OR10K2: variants seen among roughly 807,000 people sequenced by gnomAD.
OR10K2 encodes olfactory receptor family 10 subfamily K member 2.
For missense variants in OR10K2, 401 were observed against 367.1 expected (o/e 1.09, Z -0.76); for synonymous variants, 169 against 146.4 (o/e 1.15, Z -1.11).
At position 158,420,677 on chromosome 1, in the gene OR10K2, C is replaced by A. The variant is rs751836544; in HGVS notation, c.190G>T (p.Ala64Ser). The A allele has an allele frequency of 6.2e-7, 1 of 1,613,788 alleles. No homozygotes were observed. Among genetic ancestry groups the A allele is most frequent in the South Asian group, 1.1e-5 (1 of 91,076 alleles). Residue 64 changes from alanine to serine, a missense_variant, in exon 2 of 2, where the codon GCC (alanine) becomes TCC (serine). Transcript: ENST00000641042. ...CAAATCTCAGAGCAAGAGAGGATGG[C>A]AAGGAAGAAGTACATGGGGATATGA... The part of the protein sequence containing the change: ...ALHIPMYFFL[A>S]ILSCSEICYT...
intron 1 of OR10K2, among the ~76,000 whole-genome samples, chr1:158,421,425 T>C (rs1655155042): frequency 6.6e-6 from 1 of 152,148 alleles, no homozygotes; most frequent in Admixed American, 6.6e-5. Flanking sequence ...GCAGGAATTG[T>C]CAGTTATACT....
chr1:158,418,278 A>C lies in OR10K2; in HGVS notation c.*1650T>G, dbSNP rs770283355. 2 of 152,126 alleles carry C rather than the reference A, an allele frequency of 1.3e-5. No individual in the cohort carries two copies. The highest frequency in any genetic ancestry group is 2.9e-5 in the Non-Finnish European group (2 of 68,010). 9.4% of individuals were successfully genotyped at this position (152,126 alleles called of 1,614,324 possible). A position where few individuals can be genotyped will look rare whatever the true frequency, so the allele number is the denominator to read the frequency against. On this transcript the variant is annotated 3_prime_UTR_variant, in exon 2 of 2. Transcript: ENST00000641042. The stretch of plus-strand genomic sequence containing the variant: ...TCTCATCTACAAAATGTCGATTATA[A>C]TATATACTTCCCAGTGTGCTCTAAA...
At position 158,420,560 on chromosome 1, in the gene OR10K2, A is replaced by G; in HGVS notation, c.307T>C (p.Ser103Pro). The G allele has an allele frequency of 6.2e-7, 1 of 1,613,954 alleles. No individual in the cohort carries two copies. Among genetic ancestry groups the G allele is most frequent in the Non-Finnish European group, 8.5e-7 (1 of 1,179,928 alleles). Residue 103 changes from serine (S) to proline (P), a missense_variant, in exon 2 of 2, where the codon TCC becomes CCC. Ser to Pro is a moderately conservative substitution (Grantham distance 74, BLOSUM62 -1). Transcript: ENST00000641042. ...SFLGCAIQMF[S>P]FLFLGCSHSF... ...TGAGAGCAGCCAAGGAAGAGGAAGG[A>G]AAACATTTGGATGGCACAGCCCAGG...
In OR10K2 at chr1:158,419,871, C is replaced by T. The variant is rs1655107717; in HGVS notation, c.*57G>A. Reference sequence around the variant, plus strand: ...AGGTGATCCACCTGTCTCAGCCTTCCAAAATGCTGGGATTACAGTCGTGAG... The same window carrying T: ...AGGTGATCCACCTGTCTCAGCCTTCTAAAATGCTGGGATTACAGTCGTGAG... On this transcript the variant is annotated 3_prime_UTR_variant, in exon 2 of 2. Transcript: ENST00000641042. 2.0e-6 allele frequency: 3 copies of T among 1,490,344 alleles called. No individual in the cohort carries two copies. Among genetic ancestry groups the T allele is most frequent in the Admixed American group, 3.8e-5 (2 of 52,798 alleles). The allele number at this position is 1,490,344 out of a possible 1,614,324, so 92.3% of individuals were successfully genotyped here.
At position 158,419,931 on chromosome 1, in the gene OR10K2, C is replaced by A. The variant is rs1361354291; in HGVS notation, c.936G>T (p.Leu312Phe). Residue 312 changes from leucine (L) to phenylalanine (F), a missense_variant, in exon 2 of 2, where the codon TTG becomes TTT. Coordinates refer to ENST00000641042, the MANE Select transcript of OR10K2 (RefSeq NM_001004476.2). ...CTGGCCAGAATCAAGATTAATTTTA[C>A]AACAGGGAAATTGTTCTTCTCACAA... Reference protein sequence around the residue: ...CKIVRRTISLL With the variant: ...CKIVRRTISLF 6.2e-7 allele frequency: 1 copy of A among 1,605,906 alleles called. No homozygotes were observed. The highest frequency in any genetic ancestry group is 2.2e-5 in the East Asian group (1 of 44,704).
chr1:158,421,308 A>G (rs1453214816), intron 1 of OR10K2, among the ~76,000 whole-genome samples: 1 of 152,094 alleles, frequency 6.6e-6, no homozygotes, highest in Non-Finnish European at 1.5e-5. Context: ...CTATAACTCA[A>G]TGGTTCTTAA....
At position 158,426,165 on chromosome 1, in the gene OR10K2, C is replaced by G. The variant is rs1193590200; in HGVS notation, c.-294G>C. 3 of 152,086 alleles carry G rather than the reference C, an allele frequency of 2.0e-5. No individual in the cohort carries two copies. Among genetic ancestry groups the G allele is most frequent in the Non-Finnish European group, 2.9e-5 (2 of 68,010 alleles). 9.4% of individuals were successfully genotyped at this position (152,086 alleles called of 1,614,324 possible). On this transcript the variant is annotated 5_prime_UTR_variant, in exon 1 of 2. Transcript: ENST00000641042. ...AATGGAAAAAGGTCAAAATGGGTCACAGGCTACTGATATTTACTCAGAGGT... is the reference window on the plus strand; with the variant it reads ...AATGGAAAAAGGTCAAAATGGGTCAGAGGCTACTGATATTTACTCAGAGGT...
rs148637876 is a variant in OR10K2, at chr1:158,419,653, C to T, written c.*275G>A. The T allele has an allele frequency of 5.1e-3, 1,052 of 205,106 alleles. 8 individuals are homozygous for T. The highest frequency in any genetic ancestry group is 0.034 in the South Asian group (304 of 8,818). 12.7% of individuals were successfully genotyped at this position (205,106 alleles called of 1,614,324 possible). A position where few individuals can be genotyped will look rare whatever the true frequency, so the allele number is the denominator to read the frequency against. ...TTTTTGAGACAGAGTCTTACTCTGT[C>T]GCCCAGGCTGGAGTGCAGTGACACA... On this transcript the variant is annotated 3_prime_UTR_variant, in exon 2 of 2. Coordinates refer to ENST00000641042, the MANE Select transcript of OR10K2 (RefSeq NM_001004476.2).
rs1396560345 is a variant in OR10K2 at position 158,419,954 on chromosome 1, C to T, written c.913G>A (p.Val305Met). 1.9e-6 allele frequency: 3 copies of T among 1,610,564 alleles called. No homozygotes were observed. The African/African-American group carries it at 4.0e-5, about 22-fold the overall frequency. ...TACAACAGGGAAATTGTTCTTCTCA[C>T]AATTTTACAAAGAGCTGATTTGAAC... ...KEFKSALCKI[V>M]RRTISLL Residue 305 changes from valine to methionine, a missense_variant, in exon 2 of 2, where the codon GTG becomes ATG. Coordinates refer to ENST00000641042, the MANE Select transcript of OR10K2 (RefSeq NM_001004476.2).
chr1:158,425,159 G>A (rs112821083), intron 1 of OR10K2, among the ~76,000 whole-genome samples: 13 of 152,098 alleles, frequency 8.5e-5, no homozygotes, highest in African/African-American at 3.1e-4. Context: ...CATTTTTCAG[G>A]ACTGGGAAAG....
Position 158,425,926 on chromosome 1 carries a change from C to G in OR10K2, c.-62+7G>C, listed in dbSNP as rs1349868069. On this transcript the variant is annotated splice_region_variant and intron_variant, in intron 1 of 1. Coordinates refer to ENST00000641042, the MANE Select transcript of OR10K2 (RefSeq NM_001004476.2). Reference sequence around the variant, plus strand: ...CTTGCATGGGCTCATCACCCTTCTTCTCTTACCTGAAATGTGAAAACATAA... The same window carrying G: ...CTTGCATGGGCTCATCACCCTTCTTGTCTTACCTGAAATGTGAAAACATAA... 1 of 152,070 alleles carries G rather than the reference C, an allele frequency of 6.6e-6. No individual in the cohort carries two copies. The highest frequency in any genetic ancestry group is 1.5e-5 in the Non-Finnish European group (1 of 67,998). 9.4% of individuals were successfully genotyped at this position (152,070 alleles called of 1,614,324 possible).
Position 158,420,677 on chromosome 1 carries a change from C to G in OR10K2, c.190G>C (p.Ala64Pro), listed in dbSNP as rs751836544. The part of the protein sequence containing the change: ...ALHIPMYFFL[A>P]ILSCSEICYT... ...CAAATCTCAGAGCAAGAGAGGATGG[C>G]AAGGAAGAAGTACATGGGGATATGA... The change falls in exon 2 of 2, where the codon GCC (alanine) becomes CCC (proline). Residue 64 changes from alanine to proline, a missense_variant. Coordinates refer to ENST00000641042, the MANE Select transcript of OR10K2 (RefSeq NM_001004476.2). 1.9e-6 allele frequency: 3 copies of G among 1,613,788 alleles called. No individual in the cohort carries two copies. The highest frequency in any genetic ancestry group is 2.5e-6 in the Non-Finnish European group (3 of 1,179,880).
chr1:158,420,069 G>A lies in OR10K2; in HGVS notation c.798C>T (p.Tyr266=), dbSNP rs780531944. 3.7e-6 allele frequency: 6 copies of A among 1,613,742 alleles called. No homozygotes were observed. The highest frequency in any genetic ancestry group is 2.2e-5 in the East Asian group (1 of 44,844). The change falls in exon 2 of 2, where the codon TAC becomes TAT. Residue 266 remains tyrosine (Y), a synonymous_variant. Coordinates refer to ENST00000641042, the MANE Select transcript of OR10K2 (RefSeq NM_001004476.2). Reference sequence around the variant, plus strand: ...ATATTAGAGCATCCTGGCTTGAGGAGTAGTTGGACTGAGGCCTTAAGTAGA... The same window carrying A: ...ATATTAGAGCATCCTGGCTTGAGGAATAGTTGGACTGAGGCCTTAAGTAGA... ...SFIYLRPQSN[Y]SSSQDALISV... is the part of the protein sequence containing the mutation.
chr1:158,422,485 T>C (rs544777404), intron 1 of OR10K2, among the ~76,000 whole-genome samples: 2 of 152,218 alleles, frequency 1.3e-5, no homozygotes, highest in East Asian at 1.9e-4. Flanking sequence ...AGAGAGCATC[T>C]GGTCATCAGA....
intron 1 of OR10K2, among the ~76,000 whole-genome samples, chr1:158,421,881 T>G (rs1305813140): frequency 2.0e-5 from 3 of 152,266 alleles, no homozygotes; most frequent in East Asian, 3.9e-4. Flanking sequence ...GTATCACTAT[T>G]GCCCAAATAT....
At chr1:158,421,158 C>T (rs963006174) in intron 1 of OR10K2, among the ~76,000 whole-genome samples, 7 of 152,060 alleles carry the variant, frequency 4.6e-5, no homozygotes, top group Admixed American at 3.3e-4. Context: ...CATCATGAGG[C>T]TGTTGCTCAG....
intron 1 of OR10K2, among the ~76,000 whole-genome samples, chr1:158,425,157 A>T (rs750938481): frequency 1.3e-5 from 2 of 152,072 alleles, no homozygotes; most frequent in Non-Finnish European, 2.9e-5. Flanking sequence ...TTCATTTTTC[A>T]GGACTGGGAA....
At chr1:158,422,915 T>C (rs1655186114) in intron 1 of OR10K2, among the ~76,000 whole-genome samples, 2 of 152,058 alleles carry the variant, frequency 1.3e-5, no homozygotes, top group South Asian at 4.1e-4. Flanking sequence ...AGGAGACATA[T>C]CTTGTATACA....
Position 158,420,338 on chromosome 1 carries a change from A to T in OR10K2, c.529T>A (p.Phe177Ile). Residue 177 changes from phenylalanine (F) to isoleucine (I), a missense_variant, in exon 2 of 2, where the codon TTC (phenylalanine) becomes ATC (isoleucine). Physicochemically the swap from Phe to Ile is conservative, Grantham distance 21. Transcript: ENST00000641042. Reference protein sequence around the residue: ...PFYSSNQLHHFFCDIAPVLKL... With the variant: ...PFYSSNQLHHIFCDIAPVLKL... ...AGGACAGGAGCAATGTCACAGAAGA[A>T]GTGATGTAGTTGATTGGAGGAATAA... 6.2e-7 allele frequency: 1 copy of T among 1,613,922 alleles called. No homozygotes were observed. The highest frequency in any genetic ancestry group is 1.1e-5 in the South Asian group (1 of 91,082).
Sources: allele counts gnomAD v4.1 joint callset (sites outside exome capture counted in the v4.1 genomes callset), GRCh38; gene constraint gnomAD v4.1.1; transcripts MANE v1.5; gene names NCBI Gene and HGNC (gene_info 2026-07-23, HGNC 2026-07-21).